Variants in COL22A1 observed in about 807,000 individuals in gnomAD.
The protein encoded by COL22A1 is collagen alpha-1(XXII) chain.
Under a neutral mutation model 248.9 loss-of-function variants are expected in COL22A1, and 221 were observed. The ratio of observed to expected loss-of-function variants is 0.89; its 90% CI spans 0.80 to 0.99. COL22A1 has a LOEUF of 0.99. Among genes scored for constraint, COL22A1 ranks in the 50% least tolerant of loss-of-function variants. The pLI, the probability that COL22A1 is intolerant of heterozygous loss-of-function variation, is 0.00. For missense variants in COL22A1, 2,240 were observed against 2,179.0 expected, an observed-to-expected ratio of 1.03 and a Z score of -0.56; for synonymous variants, 891 against 793.4, an observed-to-expected ratio of 1.12 and a Z score of -2.07.
At chr8:138,628,507 G>C (rs7012573) in intron 50 of COL22A1, among the ~76,000 whole-genome samples, 108,450 of 152,070 alleles carry the variant, frequency 0.71, 41,683 homozygotes, top group Non-Finnish European at 0.86. Context: ...CTGCACTCCA[G>C]CCTCCGCAAC....
intron 46 of COL22A1, among the ~76,000 whole-genome samples, chr8:138,647,578 T>A (rs1822318605): frequency 6.6e-6 from 1 of 152,238 alleles, no homozygotes; most frequent in Non-Finnish European, 1.5e-5. Context: ...CATTGCATGT[T>A]CTTTATAGTT....
chr8:138,805,874 G>T (rs1817558110), intron 10 of COL22A1, among the ~76,000 whole-genome samples: 1 of 147,606 alleles, frequency 6.8e-6, no homozygotes, highest in African/African-American at 2.5e-5. Context: ...GAGATGGTGT[G>T]TTTGTGTGTG....
intron 47 of COL22A1, among the ~76,000 whole-genome samples, chr8:138,645,127 C>T (rs1822086186): frequency 6.6e-6 from 1 of 152,184 alleles, no homozygotes; most frequent in African/African-American, 2.4e-5. Context: ...TGCCCATCCT[C>T]AAACTGACGC....
chr8:138,792,137 C>G (rs887481852), intron 12 of COL22A1, among the ~76,000 whole-genome samples: 46 of 152,102 alleles, frequency 3.0e-4, no homozygotes, highest in Non-Finnish European at 1.6e-4. Flanking sequence ...GTCAGGGCCC[C>G]TGAATATTGT....
At chr8:138,672,860 G>A (rs1440573000) in intron 41 of COL22A1, among the ~76,000 whole-genome samples, 1 of 152,152 alleles carries the variant, frequency 6.6e-6, no homozygotes, top group African/African-American at 2.4e-5. Context: ...GTTACATGTG[G>A]GACCTTATCT....
At chr8:138,760,092 T>C (rs1248719644) in intron 18 of COL22A1, 151 bp downstream of exon 18, 1 of 462,296 alleles carries the variant, frequency 2.2e-6, no homozygotes. Context: ...CTTATGTGAG[T>C]TCCTGATGCC....
intron 19 of COL22A1, 82 bp downstream of exon 19, chr8:138,755,703 C>T: frequency 6.8e-7 from 1 of 1,460,612 alleles, no homozygotes; most frequent in South Asian, 1.1e-5. Context: ...AGAGCGTTGC[C>T]TTATTCTTAG....
chr8:138,905,739 A>G (rs1026235647), intron 1 of COL22A1, among the ~76,000 whole-genome samples: 65 of 152,254 alleles, frequency 4.3e-4, no homozygotes, highest in Middle Eastern at 3.4e-3. Flanking sequence ...TTCATGTTCT[A>G]TCCCAGCTTA....
At chr8:138,913,061 G>A (rs902565561) in intron 1 of COL22A1, among the ~76,000 whole-genome samples, 1 of 140,704 alleles carries the variant, frequency 7.1e-6, no homozygotes, top group Non-Finnish European at 1.6e-5. Flanking sequence ...CTGACCTAGA[G>A]AAGGCTGGGA....
At chr8:138,656,125 C>T (rs923014800) in intron 44 of COL22A1, among the ~76,000 whole-genome samples, 181 bp from the exon 45 acceptor site, 2 of 152,218 alleles carry the variant, frequency 1.3e-5, no homozygotes, top group African/African-American at 4.8e-5. Context: ...GAACACTCCT[C>T]CAAGACAGCA....
intron 3 of COL22A1, among the ~76,000 whole-genome samples, chr8:138,875,149 T>C (rs1300099935): frequency 6.6e-6 from 1 of 152,200 alleles, no homozygotes; most frequent in African/African-American, 2.4e-5. Flanking sequence ...GTTTCATCGT[T>C]TGAAGCTGCC....
At chr8:138,630,625 G>T in intron 50 of COL22A1, 70 bp downstream of exon 50, 2 of 1,365,530 alleles carry the variant, frequency 1.5e-6, no homozygotes, top group Non-Finnish European at 2.1e-6. Flanking sequence ...GAGCAGAATT[G>T]GCAAACACCT....
At chr8:138,817,300 C>A (rs1294992419) in intron 7 of COL22A1, among the ~76,000 whole-genome samples, 1 of 152,138 alleles carries the variant, frequency 6.6e-6, no homozygotes, top group African/African-American at 2.4e-5. Flanking sequence ...ACTCTGGAGC[C>A]CGTCAAGAAT....
chr8:138,755,004 G>T (rs1304961131), intron 21 of COL22A1, among the ~76,000 whole-genome samples, 153 bp downstream of exon 21: 1 of 152,104 alleles, frequency 6.6e-6, no homozygotes, highest in East Asian at 1.9e-4. Flanking sequence ...TTTTTCCTAC[G>T]TGAGACGTGA....
chr8:138,814,614 G>C (rs1459145637), intron 7 of COL22A1, among the ~76,000 whole-genome samples: 1 of 152,190 alleles, frequency 6.6e-6, no homozygotes, highest in Non-Finnish European at 1.5e-5. Flanking sequence ...CTCCTAGTGA[G>C]ATTGGAGGTG....
chr8:138,708,178 G>A (rs1334644227), intron 30 of COL22A1, among the ~76,000 whole-genome samples: 1 of 152,086 alleles, frequency 6.6e-6, no homozygotes, highest in Admixed American at 6.5e-5. Flanking sequence ...TCATGGATAG[G>A]AAGAATCAAT....
chr8:138,843,848 C>T (rs539993341), intron 4 of COL22A1, among the ~76,000 whole-genome samples: 1 of 152,346 alleles, frequency 6.6e-6, no homozygotes, highest in South Asian at 2.1e-4. Context: ...TGAGTGACTC[C>T]TATAGAATAT....
chr8:138,661,095 C>T (rs1458412212), intron 43 of COL22A1, among the ~76,000 whole-genome samples: 1 of 79,048 alleles, frequency 1.3e-5, no homozygotes, highest in East Asian at 3.7e-4. Context: ...CAAACATACA[C>T]ACACACACAC....
chr8:138,654,525 G>A (rs1194319009), intron 45 of COL22A1, among the ~76,000 whole-genome samples: 1 of 152,122 alleles, frequency 6.6e-6, no homozygotes, highest in Non-Finnish European at 1.5e-5. Flanking sequence ...AAATCACCCA[G>A]TGTCTTTTAG....
Sources: gnomAD v4.1 joint callset for allele counts (sites outside exome capture counted in the v4.1 genomes callset) on GRCh38, gnomAD v4.1.1 for gene constraint, MANE v1.5 for transcripts, NCBI Gene and HGNC (gene_info 2026-07-23, HGNC 2026-07-21) for gene names.